SCUBE2: variants seen among roughly 807,000 people sequenced by gnomAD.
The protein encoded by SCUBE2 is signal peptide, CUB domain and EGF like domain containing 2.
A neutral mutation model predicts 125.9 loss-of-function variants in SCUBE2; 114 were observed. The ratio of observed to expected loss-of-function variants is 0.91; its 90% CI spans 0.78 to 1.06. The LOEUF is 1.06. Among genes scored for constraint, SCUBE2 ranks in the 50% least tolerant of loss-of-function variants. The probability of loss-of-function intolerance (pLI) is 0.00; values close to 1 mark genes in which losing one functional copy is unlikely to be tolerated. For missense variants in SCUBE2, 1,255 were observed against 1,301.8 expected, an observed-to-expected ratio of 0.96 and a Z score of 0.55; for synonymous variants, 459 against 492.9, an observed-to-expected ratio of 0.93 and a Z score of 0.91.
At chr11:9,053,250 A>G in intron 11 of SCUBE2, 35 bp from the exon 12 acceptor site, 1 of 1,561,914 alleles carries the variant, frequency 6.4e-7, no homozygotes, top group Non-Finnish European at 8.8e-7. Context: ...ACAGAAAGAG[A>G]AGGACATTTC....
At chr11:9,059,157 A>G (rs1278952838) in intron 9 of SCUBE2, 146 bp downstream of exon 9, 1 of 913,524 alleles carries the variant, frequency 1.1e-6, no homozygotes, top group East Asian at 2.5e-5. Flanking sequence ...TACCTAATAG[A>G]TGAAATGAGT....
chr11:9,059,339 C>G lies in SCUBE2; in HGVS notation c.1054G>C (p.Gly352Arg), dbSNP rs1241052580. The change falls in exon 9 of 23, where the codon GGA becomes CGA. Residue 352 changes from glycine (G) to arginine (R), a missense_variant. Gly to Arg is a moderately radical substitution (Grantham distance 125). This residue lies in a region of SCUBE2 where 378 missense variants were observed against 463.1 expected (regional missense o/e 0.82). Coordinates refer to ENST00000649792, the MANE Select transcript of SCUBE2 (RefSeq NM_001367977.2). The part of the protein sequence containing the change: ...VGSFDCGCKK[G>R]FKLLTDEKSC... ...TTCTCATCTGTTAATAATTTAAATC[C>G]TTTCTTGCAGCCGCAGTCAAAACTG... 1 of 1,614,076 alleles carries G rather than the reference C, an allele frequency of 6.2e-7. No homozygotes were observed. The highest frequency in any genetic ancestry group is 8.5e-7 in the Non-Finnish European group (1 of 1,180,032).
At chr11:9,059,222 G>C (rs1859419612) in intron 9 of SCUBE2, 81 bp downstream of exon 9, 4 of 1,524,544 alleles carry the variant, frequency 2.6e-6, no homozygotes. Flanking sequence ...TGATAAGCCA[G>C]TCTCTGCCAG....
At chr11:9,040,962 A>G (rs935687266) in intron 16 of SCUBE2, among the ~76,000 whole-genome samples, 8 of 152,220 alleles carry the variant, frequency 5.3e-5, no homozygotes, top group African/African-American at 1.7e-4. Context: ...CTCTTTGTCA[A>G]ACTACATCAT....
intron 21 of SCUBE2, among the ~76,000 whole-genome samples, chr11:9,024,630 A>G (rs1855570711): frequency 6.6e-6 from 1 of 152,120 alleles, no homozygotes; most frequent in Non-Finnish European, 1.5e-5. Context: ...CCACACACCC[A>G]ACCCACTGAC....
chr11:9,083,936 T>C (rs2135958749), intron 2 of SCUBE2, among the ~76,000 whole-genome samples: 1 of 152,298 alleles, frequency 6.6e-6, no homozygotes, highest in South Asian at 2.1e-4. Flanking sequence ...AAGGAATAAA[T>C]ATAGATACGT....
intron 2 of SCUBE2, among the ~76,000 whole-genome samples, chr11:9,087,114 T>C (rs1362905703): frequency 6.6e-6 from 1 of 152,140 alleles, no homozygotes; most frequent in Non-Finnish European, 1.5e-5. Context: ...TATGGCACAA[T>C]GCCAGTCAAT....
At chr11:9,021,804 G>A in intron 22 of SCUBE2, 72 bp downstream of exon 22, 1 of 1,160,874 alleles carries the variant, frequency 8.6e-7, no homozygotes, top group Non-Finnish European at 1.3e-6. Flanking sequence ...GGAGCAGGAG[G>A]AGAAGCCTTC....
At chr11:9,077,980 A>G (rs894642487) in intron 3 of SCUBE2, among the ~76,000 whole-genome samples, 6 of 151,904 alleles carry the variant, frequency 3.9e-5, no homozygotes, top group Admixed American at 2.6e-4. Context: ...ACCCCCCGCC[A>G]CCCCGGGCTG....
intron 2 of SCUBE2, among the ~76,000 whole-genome samples, chr11:9,080,750 T>A (rs182935445): frequency 6.6e-6 from 1 of 152,108 alleles, no homozygotes; most frequent in Admixed American, 6.6e-5. Context: ...TTTTTAAAAT[T>A]AATAAACTGG....
At chr11:9,087,960 A>G (rs1341563780) in intron 2 of SCUBE2, among the ~76,000 whole-genome samples, 1 of 152,220 alleles carries the variant, frequency 6.6e-6, no homozygotes, top group Non-Finnish European at 1.5e-5. Flanking sequence ...TTGTTGGAAA[A>G]GACTTTGTGT....
intron 21 of SCUBE2, among the ~76,000 whole-genome samples, chr11:9,023,867 T>C (rs536001835): frequency 6.6e-6 from 1 of 152,350 alleles, no homozygotes; most frequent in East Asian, 1.9e-4. Flanking sequence ...CAATGTGTGT[T>C]AGCCCCAGCT....
intron 1 of SCUBE2, among the ~76,000 whole-genome samples, chr11:9,090,990 C>T (rs1315765039): frequency 6.6e-6 from 1 of 152,200 alleles, no homozygotes; most frequent in African/African-American, 2.4e-5. Context: ...TTGCCGGCCC[C>T]CAAAGAAAGA....
At chr11:9,036,095 A>C (rs1856732650) in intron 16 of SCUBE2, among the ~76,000 whole-genome samples, 1 of 152,160 alleles carries the variant, frequency 6.6e-6, no homozygotes, top group Non-Finnish European at 1.5e-5. Flanking sequence ...TCACCATGCC[A>C]GCCTGGCTGG....
intron 20 of SCUBE2, 95 bp downstream of exon 20, chr11:9,027,269 C>G: frequency 8.4e-7 from 1 of 1,188,090 alleles, no homozygotes; most frequent in Non-Finnish European, 1.2e-6. Context: ...ATGGAGGTGA[C>G]GTTCTAGGCC....
intron 10 of SCUBE2, among the ~76,000 whole-genome samples, chr11:9,054,724 T>TAC (rs1858881607): frequency 1.8e-5 from 1 of 55,526 alleles, no homozygotes; most frequent in African/African-American, 6.8e-5. Context: ...TATATATATA[T>TAC]ATTTTTTTTT....
At chr11:9,028,988 A>G (rs1421062339) in intron 19 of SCUBE2, among the ~76,000 whole-genome samples, 1 of 152,190 alleles carries the variant, frequency 6.6e-6, no homozygotes, top group Non-Finnish European at 1.5e-5. Flanking sequence ...ATAGAGAGAA[A>G]ACCAGATGAT....
In SCUBE2 at chr11:9,047,397, T is replaced by C; in HGVS notation, c.1961A>G (p.Glu654Gly). The C allele has an allele frequency of 1.2e-6, 2 of 1,614,196 alleles. No individual in the cohort carries two copies. The highest frequency in any genetic ancestry group is 1.7e-6 in the Non-Finnish European group (2 of 1,180,034). ...KPPRTSERQA[E>G]SCGVGQGHAE... The stretch of plus-strand genomic sequence containing the variant: ...ATGACCCTGGCCCACTCCACAGGAC[T>C]CTGCCTGGCGTTCAGATGTTCTGGG... Residue 654 changes from glutamate to glycine, a missense_variant, in exon 16 of 23, where the codon GAG (glutamate) becomes GGG (glycine). By Grantham distance (98) the Glu-to-Gly change is moderately conservative. Transcript: ENST00000649792.
Position 9,060,490 on chromosome 11 carries a change from G to A in SCUBE2, c.885C>T (p.Arg295=). ...TCAVNNGGCD[R]TCKDTSTGVH... is the part of the protein sequence containing the mutation. ...CACCTGTCGAAGTATCCTTACAGGT[G>A]CGGTCACAGCCTCCATTGTTGACAG... Residue 295 remains arginine, a synonymous_variant, in exon 8 of 23, where the codon CGC becomes CGT. Coordinates refer to ENST00000649792, the MANE Select transcript of SCUBE2 (RefSeq NM_001367977.2). 1 of 1,614,034 alleles carries A rather than the reference G, an allele frequency of 6.2e-7. No individual in the cohort carries two copies. Among genetic ancestry groups the A allele is most frequent in the Non-Finnish European group, 8.5e-7 (1 of 1,179,962 alleles).
Sources: allele counts gnomAD v4.1 joint callset (sites outside exome capture counted in the v4.1 genomes callset), GRCh38; gene constraint gnomAD v4.1.1; regional missense constraint gnomAD v4.1.1; transcripts MANE v1.5; gene names NCBI Gene and HGNC (gene_info 2026-07-23, HGNC 2026-07-21).